Variants in FYB2 observed in about 807,000 individuals in gnomAD.
FYB2 encodes FYN-binding protein 2.
FYB2 carries 103 observed loss-of-function variants against 94.1 expected under a neutral mutation model. The ratio of observed to expected loss-of-function variants is 1.09; its 90% CI spans 0.93 to 1.29. The LOEUF (loss-of-function observed/expected upper bound fraction) is 1.29, where lower values mean the gene tolerates loss of function less well. FYB2 is among the 50% of genes most tolerant of loss of function. FYB2 has a pLI of 0.00. For missense variants in FYB2, 896 were observed against 841.5 expected, an observed-to-expected ratio of 1.06 and a Z score of -0.80; for synonymous variants, 293 against 287.9, an observed-to-expected ratio of 1.02 and a Z score of -0.18.
Position 56,720,194 on chromosome 1 carries a change from A to T in FYB2, c.2110T>A (p.Cys704Ser), listed in dbSNP as rs772385732. 1.4e-5 allele frequency: 23 copies of T among 1,610,812 alleles called. No individual in the cohort carries two copies. The highest frequency in any genetic ancestry group is 1.9e-5 in the Non-Finnish European group (22 of 1,178,708). Residue 704 changes from cysteine to serine, a missense_variant, in exon 18 of 20, where the codon TGT becomes AGT. Transcript: ENST00000343433. ...IDTTEQNLVICRNSKGKYGYV... is the reference protein window; with the variant it reads ...IDTTEQNLVISRNSKGKYGYV... ...TTACATTTGCCTTTAGAATTACGAC[A>T]TATCACTAGATTTTGTTCGGTGGTA...
chr1:56,742,423 G>A (rs1033496836), intron 11 of FYB2, among the ~76,000 whole-genome samples: 3 of 151,948 alleles, frequency 2.0e-5, no homozygotes, highest in Non-Finnish European at 4.4e-5. Flanking sequence ...ATGTATAAAT[G>A]AAAATTAAGA....
intron 2 of FYB2, 79 bp downstream of exon 2, chr1:56,791,977 T>C: frequency 2.0e-6 from 3 of 1,505,434 alleles, no homozygotes; most frequent in East Asian, 2.3e-5. Flanking sequence ...ACATAACCAC[T>C]CTGAATCAAC....
chr1:56,737,205 G>A, intron 14 of FYB2, 58 bp from the exon 15 acceptor site: 1 of 1,322,262 alleles, frequency 7.6e-7, no homozygotes, highest in Non-Finnish European at 1.1e-6. Context: ...TATAAGCACT[G>A]ACTTTCCAAA....
chr1:56,747,092 A>G (rs1645084989), intron 9 of FYB2, among the ~76,000 whole-genome samples: 1 of 151,860 alleles, frequency 6.6e-6, no homozygotes, highest in Admixed American at 6.6e-5. Flanking sequence ...TTTATAAAAA[A>G]TTGATTTCTA....
At chr1:56,740,946 C>T (rs1174285773) in intron 12 of FYB2, 151 bp from the exon 13 acceptor site, 7 of 486,986 alleles carry the variant, frequency 1.4e-5, no homozygotes, top group Admixed American at 7.9e-5. Flanking sequence ...TGGAAATAAC[C>T]GACACTGGGG....
chr1:56,768,047 G>A (rs1570075352), intron 4 of FYB2, 109 bp from the exon 5 acceptor site: 2 of 783,764 alleles, frequency 2.6e-6, no homozygotes, highest in East Asian at 5.4e-5. Flanking sequence ...GGCCAATATG[G>A]TGACCTAAGC....
chr1:56,792,743 G>C lies in FYB2; in HGVS notation c.70C>G (p.Leu24Val). ...AKFQNLDAPP[L>V]PGPIKFPAGV... Reference sequence around the variant, plus strand: ...GCTGGGAATTTAATAGGTCCTGGAAGAGGTGGAGCATCAAGATTTTGAAAT... The same window carrying C: ...GCTGGGAATTTAATAGGTCCTGGAACAGGTGGAGCATCAAGATTTTGAAAT... Residue 24 changes from leucine to valine, a missense_variant, in exon 2 of 20, where the codon CTT becomes GTT. Leu to Val is a conservative substitution (Grantham distance 32). Transcript: ENST00000343433. 6.2e-7 allele frequency: 1 copy of C among 1,614,070 alleles called. No individual in the cohort carries two copies. Among genetic ancestry groups the C allele is most frequent in the Non-Finnish European group, 8.5e-7 (1 of 1,179,988 alleles).
chr1:56,816,485 G>A (rs1370026616), intron 1 of FYB2, among the ~76,000 whole-genome samples: 1 of 152,178 alleles, frequency 6.6e-6, no homozygotes, highest in African/African-American at 2.4e-5. Flanking sequence ...AGCACAGAGT[G>A]TCACATGTAC....
intron 15 of FYB2, among the ~76,000 whole-genome samples, chr1:56,727,175 G>A (rs10489618): frequency 0.15 from 22,412 of 152,046 alleles, 2,690 homozygotes; most frequent in African/African-American, 0.32. Flanking sequence ...AGTAAGTATT[G>A]CAACAATCCT....
chr1:56,731,605 C>A (rs974435821), intron 15 of FYB2, among the ~76,000 whole-genome samples: 4 of 152,054 alleles, frequency 2.6e-5, no homozygotes, highest in Admixed American at 6.6e-5. Flanking sequence ...AATTCTCTAG[C>A]CATCATCCCC....
chr1:56,795,638 CTT>C lies in FYB2; in HGVS notation c.10-2837_10-2836del, dbSNP rs35248546. On this transcript the variant is annotated intron_variant, in intron 1 of 19. Coordinates refer to ENST00000343433, the MANE Select transcript of FYB2 (RefSeq NM_001004303.5). ...CAATTTCTCCACATCTTCACCAACACTTTTTTTTTTTTACAATAGCCATCCTA... is the reference window on the plus strand; with the variant it reads ...CAATTTCTCCACATCTTCACCAACACTTTTTTTTTTACAATAGCCATCCTA... 1.7e-4 allele frequency among the ~76,000 whole-genome samples: 25 copies of C among 147,858 alleles called. No homozygotes were observed. In the East Asian group the frequency reaches 3.9e-3, roughly 23 times the overall value.
intron 9 of FYB2, among the ~76,000 whole-genome samples, chr1:56,748,188 C>A (rs1236377572): frequency 6.6e-6 from 1 of 152,054 alleles, no homozygotes; most frequent in Non-Finnish European, 1.5e-5. Flanking sequence ...CCCTCTCATT[C>A]TGAAGGTTGC....
intron 4 of FYB2, among the ~76,000 whole-genome samples, chr1:56,785,169 A>G (rs1024589838): frequency 1.2e-4 from 18 of 152,306 alleles, no homozygotes; most frequent in African/African-American, 3.4e-4. Flanking sequence ...CAGCAAGTTT[A>G]TCCTCCATGT....
chr1:56,751,560 C>G (rs1645199460), intron 8 of FYB2, among the ~76,000 whole-genome samples: 1 of 152,060 alleles, frequency 6.6e-6, no homozygotes, highest in African/African-American at 2.4e-5. Context: ...GGTTGAGTAA[C>G]TGGTCACTGG....
intron 9 of FYB2, among the ~76,000 whole-genome samples, chr1:56,749,907 C>T (rs1309120958): frequency 1.3e-5 from 2 of 151,944 alleles, no homozygotes; most frequent in South Asian, 2.1e-4. Context: ...TTCTGTGGTA[C>T]TTTTATGAAT....
intron 4 of FYB2, among the ~76,000 whole-genome samples, chr1:56,777,326 AGT>A (rs1645904014): frequency 6.6e-6 from 1 of 151,112 alleles, no homozygotes; most frequent in African/African-American, 2.4e-5. Context: ...TCACACAGCT[AGT>A]GTGTGGAGCT....
upstream of FYB2, among the ~76,000 whole-genome samples, chr1:56,819,950 G>A (rs558470514): frequency 1.2e-4 from 18 of 152,226 alleles, 1 homozygote; most frequent in South Asian, 2.9e-3. Context: ...AAGAATGGCC[G>A]GGTGCAGTGG....
chr1:56,780,630 G>A (rs1296412813), intron 4 of FYB2, among the ~76,000 whole-genome samples: 2 of 152,188 alleles, frequency 1.3e-5, no homozygotes, highest in Admixed American at 1.3e-4. Context: ...ATGGGTGGTT[G>A]TAGCTGGGAG....
At position 56,777,331 on chromosome 1, in the gene FYB2, G is replaced by C. The variant is rs147955881; in HGVS notation, c.954-9393C>G. 3.3e-3 allele frequency among the ~76,000 whole-genome samples: 498 copies of C among 150,626 alleles called. 4 individuals are homozygous for C. Among genetic ancestry groups the C allele is most frequent in the African/African-American group, 0.01 (426 of 41,232 alleles). ...TTTCCCAGGATCACACAGCTAGTGT[G>C]TGGAGCTCAAACTATGAATCCAAGG... On this transcript the variant is annotated intron_variant, in intron 4 of 19. Transcript: ENST00000343433.
Sources: gnomAD v4.1 joint callset for allele counts (sites outside exome capture counted in the v4.1 genomes callset) on GRCh38, gnomAD v4.1.1 for gene constraint, MANE v1.5 for transcripts, NCBI Gene and HGNC (gene_info 2026-07-23, HGNC 2026-07-21) for gene names.